Variants in HNRNPM observed in about 807,000 individuals in gnomAD.
The protein encoded by HNRNPM is heterogeneous nuclear ribonucleoprotein M.
Under a neutral mutation model 73.1 loss-of-function variants are expected in HNRNPM, and 11 were observed. The observed-to-expected ratio is 0.15, with a 90% CI of 0.09 to 0.25. HNRNPM has a LOEUF of 0.25. Among genes scored for constraint, HNRNPM ranks in the 10% least tolerant of loss-of-function variants. The pLI, the probability that HNRNPM is intolerant of heterozygous loss-of-function variation, is 1.00. For missense variants in HNRNPM, 789 were observed against 1,067.9 expected, an observed-to-expected ratio of 0.74 and a Z score of 3.64; for synonymous variants, 407 against 355.2, an observed-to-expected ratio of 1.15 and a Z score of -1.64.
chr19:8,485,631 C>A lies in HNRNPM; in HGVS notation c.1203C>A (p.Ile401=), dbSNP rs766046928. 5.0e-6 allele frequency: 8 copies of A among 1,603,112 alleles called. No individual in the cohort carries two copies. The highest frequency in any genetic ancestry group is 4.3e-6 in the Non-Finnish European group (5 of 1,176,322). Residue 401 remains isoleucine (I), a synonymous_variant, in exon 14 of 16, where the codon ATC becomes ATA. Transcript: ENST00000325495. ...GGGGGGSVPG[I]ERMGPGIDRL... Reference sequence around the variant, plus strand: ...GAGGTGGAGGAAGCGTCCCTGGGATCGAGAGGATGGGTCCTGGCATTGACC... The same window carrying A: ...GAGGTGGAGGAAGCGTCCCTGGGATAGAGAGGATGGGTCCTGGCATTGACC...
chr19:8,450,705 T>G (rs1968543421), intron 1 of HNRNPM, among the ~76,000 whole-genome samples: 1 of 135,476 alleles, frequency 7.4e-6, no homozygotes, highest in Non-Finnish European at 1.6e-5. Context: ...TTAATTTAAT[T>G]TAATTAATTA....
intron 13 of HNRNPM, among the ~76,000 whole-genome samples, chr19:8,484,615 G>A (rs965228007): frequency 6.6e-6 from 1 of 152,248 alleles, no homozygotes; most frequent in Non-Finnish European, 1.5e-5. Context: ...ACTGTGTGCT[G>A]TGCAGCTAGA....
chr19:8,462,373 A>C lies in HNRNPM; in HGVS notation c.284-156A>C, dbSNP rs1969464476. 1.5e-6 allele frequency: 1 copy of C among 675,700 alleles called. No homozygotes were observed. The highest frequency in any genetic ancestry group is 1.8e-5 in the African/African-American group (1 of 55,534). 41.9% of individuals were successfully genotyped at this position (675,700 alleles called of 1,614,324 possible). ...TCACCTACTTTTACTGCACACCTGTAATGCCTAGTTCGGTGGTTTAGAGAA... is the reference window on the plus strand; with the variant it reads ...TCACCTACTTTTACTGCACACCTGTCATGCCTAGTTCGGTGGTTTAGAGAA... On this transcript the variant is annotated intron_variant, in intron 2 of 15. Coordinates refer to ENST00000325495, the MANE Select transcript of HNRNPM (RefSeq NM_005968.5). This position sits in a 1 kb window ranked among gnomAD's most constrained non-coding sequence, Gnocchi z 4.5.
At chr19:8,447,048 A>C (rs1012035264) in intron 1 of HNRNPM, among the ~76,000 whole-genome samples, 1 of 152,168 alleles carries the variant, frequency 6.6e-6, no homozygotes, top group South Asian at 2.1e-4. Context: ...ATAGATTACA[A>C]ATTTTCCCTT....
intron 9 of HNRNPM, among the ~76,000 whole-genome samples, chr19:8,470,349 A>C (rs1162812451): frequency 2.0e-5 from 3 of 151,922 alleles, no homozygotes; most frequent in Non-Finnish European, 4.4e-5. Flanking sequence ...TTTCTTTTTG[A>C]TGGAGTCTCG....
At chr19:8,476,906 G>T (rs7408534) in intron 12 of HNRNPM, among the ~76,000 whole-genome samples, 122,738 of 147,288 alleles carry the variant, frequency 0.83, 54,318 homozygotes, top group East Asian at 0.98. Flanking sequence ...CGACTCCTGG[G>T]CTCTGCTATC....
chr19:8,463,842 C>A, intron 5 of HNRNPM, 156 bp downstream of exon 5: 1 of 596,820 alleles, frequency 1.7e-6, no homozygotes. Flanking sequence ...CCTACAGCAG[C>A]CATTCCCTGC....
intron 9 of HNRNPM, among the ~76,000 whole-genome samples, chr19:8,470,315 C>A (rs954190035): frequency 9.2e-5 from 14 of 152,036 alleles, no homozygotes; most frequent in Admixed American, 4.6e-4. Context: ...TGTTTGCTTT[C>A]TTTCCTTCCT....
intron 5 of HNRNPM, chr19:8,463,975 C>T (rs1052445617): frequency 9.4e-6 from 3 of 318,844 alleles, no homozygotes; most frequent in African/African-American, 6.3e-5. Context: ...TGGGTTTGTG[C>T]CATTAAGTTT....
chr19:8,485,928 C>T lies in HNRNPM; in HGVS notation c.1500C>T (p.Pro500=). ...TCGGCCTTGAGCGCATGGCCGCTCC[C>T]ATCGACCGTGTGGGCCAGACCATTG... ...MGFGLERMAA[P]IDRVGQTIER... The change falls in exon 14 of 16, where the codon CCC becomes CCT. Residue 500 remains proline (P), a synonymous_variant. Transcript: ENST00000325495. 1.2e-6 allele frequency: 2 copies of T among 1,605,390 alleles called. No homozygotes were observed. The highest frequency in any genetic ancestry group is 1.7e-6 in the Non-Finnish European group (2 of 1,179,366).
Position 8,486,278 on chromosome 19 carries a change from C to T in HNRNPM, c.1850C>T (p.Ala617Val), listed in dbSNP as rs764529184. 2.9e-5 allele frequency: 46 copies of T among 1,601,258 alleles called. No individual in the cohort carries two copies. Among genetic ancestry groups the T allele is most frequent in the Non-Finnish European group, 3.9e-5 (46 of 1,179,852 alleles). Residue 617 changes from alanine (A) to valine (V), a missense_variant, in exon 14 of 16, where the codon GCC (alanine) becomes GTC (valine). Coordinates refer to ENST00000325495, the MANE Select transcript of HNRNPM (RefSeq NM_005968.5). ...MGLAMGGGGG[A>V]SFDRAIEMER... Reference sequence around the variant, plus strand: ...CTGGCCATGGGTGGCGGTGGCGGTGCCAGCTTTGACCGTGCCATCGAGATG... The same window carrying T: ...CTGGCCATGGGTGGCGGTGGCGGTGTCAGCTTTGACCGTGCCATCGAGATG...
At chr19:8,446,690 A>G (rs1012373095) in intron 1 of HNRNPM, among the ~76,000 whole-genome samples, 2 of 152,182 alleles carry the variant, frequency 1.3e-5, no homozygotes, top group African/African-American at 2.4e-5. Flanking sequence ...GGCATGAGCT[A>G]CTGCGCCCTG....
rs200608928 is a variant in HNRNPM, at chr19:8,487,090, C to T, written c.2029+15C>T. The T allele has an allele frequency of 1.2e-4, 194 of 1,609,252 alleles. 1 individual carries two copies. Among genetic ancestry groups the T allele is most frequent in the South Asian group, 1.1e-3 (99 of 90,986 alleles). On this transcript the variant is annotated intron_variant, in intron 15 of 15. Coordinates refer to ENST00000325495, the MANE Select transcript of HNRNPM (RefSeq NM_005968.5). ...CAACGAGTGCGGTAAGTGTTGGGAA[C>T]GGCTTTGTAGGTGCTTCCCTCGTGC...
At chr19:8,468,960 C>T (rs964323676) in intron 9 of HNRNPM, 126 bp downstream of exon 9, 5 of 728,254 alleles carry the variant, frequency 6.9e-6, no homozygotes, top group Admixed American at 2.2e-5. Context: ...CAGTTCTTTT[C>T]TATAGATTTT....
intron 12 of HNRNPM, among the ~76,000 whole-genome samples, chr19:8,476,484 A>G (rs994168065): frequency 1.3e-5 from 2 of 152,110 alleles, no homozygotes. Context: ...GAGTGGCTAT[A>G]AAAATGTAAA....
chr19:8,484,813 C>A (rs1971157252), intron 13 of HNRNPM, among the ~76,000 whole-genome samples: 1 of 152,166 alleles, frequency 6.6e-6, no homozygotes, highest in African/African-American at 2.4e-5. Flanking sequence ...AAGGGGTGGC[C>A]TTGCTGACGG....
chr19:8,485,793 G>C lies in HNRNPM; in HGVS notation c.1365G>C (p.Glu455Asp). 2 of 1,603,912 alleles carry C rather than the reference G, an allele frequency of 1.2e-6. No individual in the cohort carries two copies. Among genetic ancestry groups the C allele is most frequent in the Non-Finnish European group, 1.7e-6 (2 of 1,179,280 alleles). ...TGGAGCGCATGGGCTCCGGCATTGA[G>C]CGCATGGGCCCGCTGGGCCTCGACC... ...GSVERMGSGI[E>D]RMGPLGLDHM... The change falls in exon 14 of 16, where the codon GAG becomes GAC. Residue 455 changes from glutamate (E) to aspartate (D), a missense_variant. Around this residue, in one of 4 missense-constraint regions of HNRNPM, gnomAD observed 604 missense variants for 744.0 expected, o/e 0.81. Coordinates refer to ENST00000325495, the MANE Select transcript of HNRNPM (RefSeq NM_005968.5).
rs141720513 is a variant in HNRNPM at position 8,488,382 on chromosome 19, TGAA to T, written c.2030-306_2030-304del. The T allele has an allele frequency of 3.0e-3, 825 of 273,850 alleles. 7 individuals are homozygous for T. Among genetic ancestry groups the T allele is most frequent in the African/African-American group, 0.016 (760 of 47,278 alleles). 17.0% of individuals were successfully genotyped at this position (273,850 alleles called of 1,614,324 possible). ...ACCAGGGGCGGTGGCATATCAAAAA[TGAA>T]GACTTTGTAAAATGTATGGGAACTT... On this transcript the variant is annotated intron_variant, in intron 15 of 15. Transcript: ENST00000325495.
chr19:8,444,993 G>C lies in HNRNPM; in HGVS notation c.-6G>C. Reference sequence around the variant, plus strand: ...TTCGCTCACACAAAGCCCAGACGCGGAGAAAATGGCGGCAGGGGTCGAAGC... The same window carrying C: ...TTCGCTCACACAAAGCCCAGACGCGCAGAAAATGGCGGCAGGGGTCGAAGC... On this transcript the variant is annotated 5_prime_UTR_variant, in exon 1 of 16. Transcript: ENST00000325495. 2.1e-6 allele frequency: 3 copies of C among 1,410,282 alleles called. No homozygotes were observed. Among genetic ancestry groups the C allele is most frequent in the Non-Finnish European group, 2.8e-6 (3 of 1,082,684 alleles). The allele number at this position is 1,410,282 out of a possible 1,614,324, so 87.4% of individuals were successfully genotyped here. A position where few individuals can be genotyped will look rare whatever the true frequency, so the allele number is the denominator to read the frequency against.
Sources: gnomAD v4.1 joint callset for allele counts (sites outside exome capture counted in the v4.1 genomes callset) on GRCh38, gnomAD v4.1.1 for gene constraint, gnomAD v4.1.1 regional missense constraint, Gnocchi (gnomAD v3.1) non-coding constraint, MANE v1.5 for transcripts, NCBI Gene and HGNC (gene_info 2026-07-23, HGNC 2026-07-21) for gene names.